AFF3: variants seen among roughly 807,000 people sequenced by gnomAD.
AFF3 encodes ALF transcription elongation factor 3.
In AFF3, 32 loss-of-function variants were observed where a neutral mutation model predicts 129.7. The observed-to-expected ratio is 0.25, with a 90% confidence interval of 0.19 to 0.33. The LOEUF (loss-of-function observed/expected upper bound fraction) is 0.33. AFF3 is among the 10% of genes least tolerant of loss of function. The pLI, the probability that AFF3 is intolerant of heterozygous loss-of-function variation, is 1.00. For missense variants in AFF3, 1,373 were observed against 1,592.0 expected, an observed-to-expected ratio of 0.86 and a Z score of 2.34; for synonymous variants, 644 against 635.4, an observed-to-expected ratio of 1.01 and a Z score of -0.20.
chr2:100,024,501 G>A (rs1191189720), intron 4 of AFF3, among the ~76,000 whole-genome samples: 1 of 151,504 alleles, frequency 6.6e-6, no homozygotes, highest in African/African-American at 2.4e-5. Flanking sequence ...CCAGCTACTC[G>A]GGAGTCTGAG....
chr2:99,548,632 G>A lies in AFF3; in HGVS notation c.*2842C>T. On this transcript the variant is annotated 3_prime_UTR_variant, in exon 25 of 25. Transcript: ENST00000672756. ...GTGGCACGTGCCTATCTTCCCAGCT[G>A]CTTGGGAGGCTGAGGCAGGAGGATT... 4.8e-6 allele frequency: 1 copy of A among 206,746 alleles called. No individual in the cohort carries two copies. Among genetic ancestry groups the A allele is most frequent in the African/African-American group, 2.3e-5 (1 of 43,886 alleles). 12.8% of individuals were successfully genotyped at this position (206,746 alleles called of 1,614,324 possible).
rs1361243402 is a variant in AFF3, at chr2:100,104,427, G to A, written c.28C>T (p.Gln10Ter). 1 of 1,296,034 alleles carries A rather than the reference G, an allele frequency of 7.7e-7. No individual in the cohort carries two copies. The highest frequency in any genetic ancestry group is 1.0e-6 in the Non-Finnish European group (1 of 997,858). 80.3% of individuals were successfully genotyped at this position (1,296,034 alleles called of 1,614,324 possible). The change falls in exon 4 of 25, where the codon CAG becomes TAG. Residue 10 changes from glutamine to a stop codon, truncating the protein, a stop_gained. Transcript: ENST00000672756. LOFTEE classifies it high-confidence loss of function. ...CACAGTGACTCGAGGTCCCATTCCT[G>A]GAGCAGGGCTAAGTCGAAGCTGTCC... MDSFDLALLQEWDLESLCVY... is the reference protein window; with the variant it reads MDSFDLALL
intron 11 of AFF3, among the ~76,000 whole-genome samples, chr2:99,682,404 T>A (rs184831362): frequency 1.4e-3 from 206 of 152,314 alleles, no homozygotes; most frequent in African/African-American, 4.8e-3. Flanking sequence ...GGGGTGTGTT[T>A]CCTCAACGCC....
At chr2:100,099,693 C>A (rs1690570378) in intron 4 of AFF3, among the ~76,000 whole-genome samples, 1 of 152,184 alleles carries the variant, frequency 6.6e-6, no homozygotes, top group South Asian at 2.1e-4. Context: ...ATGGGTATGG[C>A]TTATTCTCCT....
At chr2:100,049,026 A>G (rs149666670) in intron 4 of AFF3, among the ~76,000 whole-genome samples, 119 of 152,296 alleles carry the variant, frequency 7.8e-4, no homozygotes, top group Non-Finnish European at 1.5e-3. Flanking sequence ...TTTGTCAAAT[A>G]TTGAGGCACA....
chr2:99,784,703 T>C (rs1684665966), intron 8 of AFF3, among the ~76,000 whole-genome samples: 1 of 152,244 alleles, frequency 6.6e-6, no homozygotes. Flanking sequence ...AATTTTATTC[T>C]ACTGAATAAT....
At chr2:100,105,284 CAGGCGCGG>C in intron 3 of AFF3, 1 of 1,175,388 alleles carries the variant, frequency 8.5e-7, no homozygotes, top group Non-Finnish European at 1.1e-6. Context: ...CCCGGCCGCC[CAGGCGCGG>C]GGAGAGTGAG....
chr2:100,043,083 G>C (rs1212781018), intron 4 of AFF3, among the ~76,000 whole-genome samples: 2 of 151,640 alleles, frequency 1.3e-5, no homozygotes, highest in Admixed American at 6.6e-5. Context: ...ATTTCAAAGA[G>C]GCTTTGCAAG....
At chr2:99,935,726 A>T (rs904194873) in intron 7 of AFF3, among the ~76,000 whole-genome samples, 1 of 152,204 alleles carries the variant, frequency 6.6e-6, no homozygotes, top group African/African-American at 2.4e-5. Flanking sequence ...TGAATACTCT[A>T]GTGCCACTTT....
chr2:99,875,030 T>C (rs1372307946), intron 7 of AFF3, among the ~76,000 whole-genome samples: 3 of 152,212 alleles, frequency 2.0e-5, no homozygotes, highest in African/African-American at 7.2e-5. Context: ...TTTGAAATCA[T>C]AAAATAATCA....
chr2:99,874,084 G>A (rs982217371), intron 7 of AFF3, among the ~76,000 whole-genome samples: 29 of 152,174 alleles, frequency 1.9e-4, no homozygotes, highest in African/African-American at 6.8e-4. Context: ...GGCTGAGGCA[G>A]GAGAATAGCG....
chr2:100,041,796 T>C (rs1034829421), intron 4 of AFF3, among the ~76,000 whole-genome samples: 16 of 152,212 alleles, frequency 1.1e-4, no homozygotes, highest in Admixed American at 4.6e-4. Context: ...AAACATTTCT[T>C]TTAGCTTTCA....
intron 12 of AFF3, among the ~76,000 whole-genome samples, chr2:99,671,680 C>T (rs1314478717): frequency 6.6e-6 from 1 of 152,032 alleles, no homozygotes; most frequent in East Asian, 1.9e-4. Context: ...GTACTGCATA[C>T]AAAAATGACT....
chr2:99,695,837 C>A (rs1676163102), intron 11 of AFF3, among the ~76,000 whole-genome samples: 1 of 145,782 alleles, frequency 6.9e-6, no homozygotes, highest in African/African-American at 2.5e-5. Flanking sequence ...GAAGAGACTG[C>A]AATAAAATAT....
chr2:99,915,926 CTT>C (rs1264801216), intron 7 of AFF3, among the ~76,000 whole-genome samples: 1 of 152,064 alleles, frequency 6.6e-6, no homozygotes, highest in African/African-American at 2.4e-5. Context: ...ATTAAACAGA[CTT>C]AAACTGAAGA....
intron 12 of AFF3, among the ~76,000 whole-genome samples, chr2:99,658,408 T>C (rs560356090): frequency 6.6e-6 from 1 of 151,966 alleles, no homozygotes; most frequent in Admixed American, 6.5e-5. Flanking sequence ...TTCACCATGA[T>C]GTGGGGTGGG....
chr2:99,648,917 A>ACACACACACTCTCTCTCT lies in AFF3; in HGVS notation c.1184+708_1184+709insAGAGAGAGAGTGTGTGTG. Reference sequence around the variant, plus strand: ...CACACACACACACACACACACACACACTCTCTCTCTCTCTCTCTCTCCAAT... The same window carrying ACACACACACTCTCTCTCT: ...CACACACACACACACACACACACACACACACACACTCTCTCTCTCTCTCTCTCTCTCTCTCTCTCCAAT... On this transcript the variant is annotated intron_variant, in intron 13 of 24. Transcript: ENST00000672756. Among the ~76,000 whole-genome samples the ACACACACACTCTCTCTCT allele has an allele frequency of 6.8e-3, 317 of 46,842 alleles. 2 individuals carry two copies. The highest frequency in any genetic ancestry group is 0.029 in the South Asian group (23 of 806). 30.7% of individuals were successfully genotyped at this position (46,842 alleles called of 152,430 possible).
chr2:99,659,902 C>G (rs562230293), intron 12 of AFF3, among the ~76,000 whole-genome samples: 1 of 152,162 alleles, frequency 6.6e-6, no homozygotes, highest in South Asian at 2.1e-4. Context: ...CTAAGTACTG[C>G]AGGTTCCATC....
chr2:100,099,714 C>CA (rs1283466428), intron 4 of AFF3, among the ~76,000 whole-genome samples: 3 of 152,076 alleles, frequency 2.0e-5, no homozygotes, highest in African/African-American at 7.2e-5. Flanking sequence ...ATTAAGTTCC[C>CA]AAAAAACACA....
Sources: gnomAD v4.1 joint callset for allele counts (sites outside exome capture counted in the v4.1 genomes callset) on GRCh38, gnomAD v4.1.1 for gene constraint, MANE v1.5 for transcripts, NCBI Gene and HGNC (gene_info 2026-07-23, HGNC 2026-07-21) for gene names.